CACNA2D1: variants seen among roughly 807,000 people sequenced by gnomAD.
The protein encoded by CACNA2D1 is calcium voltage-gated channel auxiliary subunit alpha2delta 1, also known as voltage-dependent calcium channel subunit alpha-2/delta-1.
Under a neutral mutation model 171.5 loss-of-function variants are expected in CACNA2D1, and 53 were observed. The ratio of observed to expected loss-of-function variants is 0.31; its 90% CI spans 0.25 to 0.39. The LOEUF is 0.39. Among genes scored for constraint, CACNA2D1 ranks in the 10% least tolerant of loss-of-function variants. CACNA2D1 has a pLI of 1.00. For missense variants in CACNA2D1, 903 were observed against 1,299.8 expected (o/e 0.69, Z 4.69); for synonymous variants, 442 against 443.1 (o/e 1.00, Z 0.03).
At chr7:81,987,699 A>C (rs1797114129) in intron 21 of CACNA2D1, among the ~76,000 whole-genome samples, 1 of 152,176 alleles carries the variant, frequency 6.6e-6, no homozygotes, top group Non-Finnish European at 1.5e-5. Flanking sequence ...TCAGAAAAGT[A>C]TTTCCAATGG....
intron 3 of CACNA2D1, among the ~76,000 whole-genome samples, chr7:82,207,281 C>G (rs1002879625): frequency 6.6e-6 from 1 of 152,192 alleles, no homozygotes; most frequent in South Asian, 2.1e-4. Flanking sequence ...AAACATGGTC[C>G]TACCATAGTA....
rs1255800106 is a variant in CACNA2D1, at chr7:82,032,786, A to G, written c.1143+11T>C. The stretch of plus-strand genomic sequence containing the variant: ...ATTATTAAAATTTAAATATTATAAA[A>G]TTACACTCACTTTTTTATCTTTATT... On this transcript the variant is annotated intron_variant, in intron 12 of 38. Transcript: ENST00000356860. 2 of 1,394,610 alleles carry G rather than the reference A, an allele frequency of 1.4e-6. No homozygotes were observed. The highest frequency in any genetic ancestry group is 4.7e-5 in the East Asian group (2 of 43,004). 86.4% of individuals were successfully genotyped at this position (1,394,610 alleles called of 1,614,324 possible). A position where few individuals can be genotyped will look rare whatever the true frequency, so the allele number is the denominator to read the frequency against.
chr7:82,194,696 AG>A (rs1444428475), intron 3 of CACNA2D1, among the ~76,000 whole-genome samples: 1 of 151,988 alleles, frequency 6.6e-6, no homozygotes, highest in Non-Finnish European at 1.5e-5. Context: ...ATTTGGGGAA[AG>A]GGCAGCAGTA....
chr7:82,259,876 T>C (rs1481202580), intron 3 of CACNA2D1, among the ~76,000 whole-genome samples: 3 of 152,200 alleles, frequency 2.0e-5, no homozygotes, highest in Non-Finnish European at 4.4e-5. Context: ...GTCTCTAAAA[T>C]TGATATAATT....
At chr7:82,080,154 T>C (rs1809568326) in intron 7 of CACNA2D1, among the ~76,000 whole-genome samples, 1 of 7,702 alleles carries the variant, frequency 1.3e-4, no homozygotes, top group Non-Finnish European at 2.8e-4. Context: ...TATATACCTA[T>C]ATATGTATAT....
chr7:82,443,807 C>T (rs1012262350), upstream of CACNA2D1: 23 of 853,248 alleles, frequency 2.7e-5, no homozygotes, highest in Admixed American at 4.4e-4. Flanking sequence ...CTGATTTATT[C>T]CCCCGATTGC....
chr7:82,203,336 A>T (rs1397339470), intron 3 of CACNA2D1, among the ~76,000 whole-genome samples: 5 of 152,156 alleles, frequency 3.3e-5, no homozygotes, highest in African/African-American at 1.2e-4. Flanking sequence ...GGACAGTACC[A>T]CTGTGTAGTG....
chr7:82,042,858 AATCT>A (rs1474867599), intron 10 of CACNA2D1, among the ~76,000 whole-genome samples: 2 of 152,116 alleles, frequency 1.3e-5, no homozygotes, highest in East Asian at 3.9e-4. Context: ...AGCTCTCTTA[AATCT>A]ATCTCTTTTT....
At chr7:82,102,163 G>A (rs1017925730) in intron 6 of CACNA2D1, among the ~76,000 whole-genome samples, 2 of 151,966 alleles carry the variant, frequency 1.3e-5, no homozygotes, top group East Asian at 1.9e-4. Context: ...TTGAAAATAA[G>A]AGAAGGGAAG....
At chr7:82,430,760 G>A (rs1829606578) in intron 1 of CACNA2D1, among the ~76,000 whole-genome samples, 1 of 152,126 alleles carries the variant, frequency 6.6e-6, no homozygotes, top group African/African-American at 2.4e-5. Flanking sequence ...TGTATTGGTT[G>A]CGAAAAACGC....
intron 4 of CACNA2D1, among the ~76,000 whole-genome samples, chr7:82,152,825 T>A (rs1793997323): frequency 6.6e-6 from 1 of 152,068 alleles, no homozygotes; most frequent in Admixed American, 6.6e-5. Flanking sequence ...ATTATATGTT[T>A]CGATGGTTAC....
At chr7:82,205,321 T>G (rs966581870) in intron 3 of CACNA2D1, among the ~76,000 whole-genome samples, 7 of 152,196 alleles carry the variant, frequency 4.6e-5, no homozygotes, top group Admixed American at 1.3e-4. Context: ...CTTTATATAT[T>G]CATATGAAAT....
rs1794177772 is a variant in CACNA2D1 at position 81,961,963 on chromosome 7, T to A, written c.2897A>T (p.Gln966Leu). 6.2e-7 allele frequency: 1 copy of A among 1,611,636 alleles called. No individual in the cohort carries two copies. The highest frequency in any genetic ancestry group is 1.3e-5 in the African/African-American group (1 of 74,768). ...GTCGTTATCGAAGAAATACTGGGTT[T>A]GTTCAGTAATGCAGCTCTGCTTGGA... ...SLSKQSCITE[Q>L]TQYFFDNDSK... The change falls in exon 36 of 39, where the codon CAA (glutamine) becomes CTA (leucine). Residue 966 changes from glutamine (Q) to leucine (L), a missense_variant. This residue lies in a region of CACNA2D1 where 623 missense variants were observed against 925.5 expected (regional missense o/e 0.67). Transcript: ENST00000356860.
At chr7:82,393,926 A>C (rs1825487948) in intron 1 of CACNA2D1, among the ~76,000 whole-genome samples, 1 of 152,256 alleles carries the variant, frequency 6.6e-6, no homozygotes, top group Admixed American at 6.5e-5. Context: ...TAGCAGCAAC[A>C]ACCCTTTGTT....
chr7:82,270,395 A>G (rs992735448), intron 3 of CACNA2D1, among the ~76,000 whole-genome samples: 6 of 152,096 alleles, frequency 3.9e-5, no homozygotes, highest in African/African-American at 1.4e-4. Context: ...TTGTTGTGAG[A>G]TATATAATTG....
chr7:82,067,507 T>C (rs1302621744), intron 7 of CACNA2D1, among the ~76,000 whole-genome samples: 3 of 152,222 alleles, frequency 2.0e-5, no homozygotes, highest in Non-Finnish European at 2.9e-5. Flanking sequence ...AATGAAACTC[T>C]TCCTTGACTG....
intron 7 of CACNA2D1, among the ~76,000 whole-genome samples, chr7:82,083,020 A>C (rs540772463): frequency 3.3e-5 from 5 of 151,716 alleles, no homozygotes; most frequent in Non-Finnish European, 7.4e-5. Context: ...CCCATTTTGC[A>C]TGCATTCTTT....
intron 3 of CACNA2D1, among the ~76,000 whole-genome samples, chr7:82,229,563 A>G (rs980228179): frequency 2.6e-5 from 4 of 152,080 alleles, no homozygotes; most frequent in Non-Finnish European, 4.4e-5. Flanking sequence ...TCCTCAAACT[A>G]ATCACATACC....
intron 1 of CACNA2D1, among the ~76,000 whole-genome samples, chr7:82,404,372 C>T (rs1032488470): frequency 2.0e-5 from 3 of 152,126 alleles, no homozygotes; most frequent in African/African-American, 7.2e-5. Context: ...TCAAAGGATG[C>T]TAGATGAACC....
Sources: allele counts gnomAD v4.1 joint callset (sites outside exome capture counted in the v4.1 genomes callset), GRCh38; gene constraint gnomAD v4.1.1; regional missense constraint gnomAD v4.1.1; transcripts MANE v1.5; gene names NCBI Gene and HGNC (gene_info 2026-07-23, HGNC 2026-07-21).